MICU1: variants seen among roughly 807,000 people sequenced by gnomAD.
The protein encoded by MICU1 is calcium uptake protein 1, mitochondrial.
In MICU1, 45 loss-of-function variants were observed where a neutral mutation model predicts 56.8. The observed-to-expected ratio is 0.79, with a 90% confidence interval of 0.62 to 1.02. The LOEUF (loss-of-function observed/expected upper bound fraction) is 1.02. Among genes scored for constraint, MICU1 ranks in the 50% least tolerant of loss-of-function variants. The pLI, the probability that MICU1 is intolerant of heterozygous loss-of-function variation, is 0.00. For missense variants in MICU1, 504 were observed against 587.1 expected, an observed-to-expected ratio of 0.86 and a Z score of 1.46; for synonymous variants, 186 against 195.1, an observed-to-expected ratio of 0.95 and a Z score of 0.39.
chr10:72,591,987 G>A (rs1180663596), intron 1 of MICU1, among the ~76,000 whole-genome samples: 1 of 151,512 alleles, frequency 6.6e-6, no homozygotes, highest in Non-Finnish European at 1.5e-5. Context: ...TCCAGCCTGG[G>A]CGACAAAGTG....
At chr10:72,472,489 T>C (rs546963787) in intron 8 of MICU1, among the ~76,000 whole-genome samples, 1 of 152,350 alleles carries the variant, frequency 6.6e-6, no homozygotes, top group South Asian at 2.1e-4. Flanking sequence ...CCTTGAGCTT[T>C]TCACTAGACA....
Position 72,586,013 on chromosome 10 carries a change from C to CTTTTT in MICU1, c.-1-19224_-1-19220dup, listed in dbSNP as rs71021511. Among the ~76,000 whole-genome samples, 355 of 74,714 alleles carry CTTTTT rather than the reference C, an allele frequency of 4.8e-3. 10 individuals carry two copies. The highest frequency in any genetic ancestry group is 6.7e-3 in the Non-Finnish European group (285 of 42,594). 49.0% of individuals were successfully genotyped at this position (74,714 alleles called of 152,430 possible). On this transcript the variant is annotated intron_variant, in intron 1 of 11. Transcript: ENST00000361114. ...GTTTTTATTTTTTCTTTTTTTTTTT[C>CTTTTT]TTTTTTTTTTTTTTTTTTTGAGACA...
intron 5 of MICU1, chr10:72,532,762 G>T (rs2132408732): frequency 3.0e-6 from 2 of 655,770 alleles, no homozygotes; most frequent in Non-Finnish European, 3.8e-6. Context: ...AAGGCACTGT[G>T]CCACCTTAAT....
intron 10 of MICU1, among the ~76,000 whole-genome samples, chr10:72,396,859 C>A (rs1365100022): frequency 6.6e-6 from 1 of 152,186 alleles, no homozygotes; most frequent in East Asian, 1.9e-4. Flanking sequence ...GGAAAACACT[C>A]TTCAGGATAT....
chr10:72,368,467 G>A, intron 11 of MICU1, 112 bp from the exon 12 acceptor site: 2 of 1,151,198 alleles, frequency 1.7e-6, no homozygotes, highest in South Asian at 1.5e-5. Context: ...ATTCTCCACA[G>A]CCAAACTCAA....
intron 1 of MICU1, among the ~76,000 whole-genome samples, chr10:72,622,946 A>G (rs1428075336): frequency 6.6e-6 from 1 of 152,142 alleles, no homozygotes; most frequent in Non-Finnish European, 1.5e-5. Flanking sequence ...GGCACAAAAT[A>G]AAGCTATTAC....
At chr10:72,439,697 G>A (rs1864854425) in intron 8 of MICU1, among the ~76,000 whole-genome samples, 2 of 152,176 alleles carry the variant, frequency 1.3e-5, no homozygotes, top group Admixed American at 6.5e-5. Context: ...AGCAACTTCA[G>A]CAAAGTCTCA....
chr10:72,446,983 TGTAA>T (rs1162508776), intron 8 of MICU1, among the ~76,000 whole-genome samples: 1 of 152,188 alleles, frequency 6.6e-6, no homozygotes. Context: ...AAAGAAAAAC[TGTAA>T]GTAAGTAATT....
chr10:72,402,581 C>T (rs1321058167), intron 10 of MICU1, among the ~76,000 whole-genome samples: 1 of 151,436 alleles, frequency 6.6e-6, no homozygotes, highest in Non-Finnish European at 1.5e-5. Flanking sequence ...AAACAAAAAA[C>T]AAAAAAACAA....
At chr10:72,493,258 GAAT>G (rs1471907614) in intron 6 of MICU1, among the ~76,000 whole-genome samples, 1 of 151,892 alleles carries the variant, frequency 6.6e-6, no homozygotes, top group Non-Finnish European at 1.5e-5. Flanking sequence ...TTCCAAAACA[GAAT>G]AATAGGTATG....
chr10:72,518,927 C>T (rs1264588070), intron 5 of MICU1, among the ~76,000 whole-genome samples: 1 of 152,084 alleles, frequency 6.6e-6, no homozygotes, highest in African/African-American at 2.4e-5. Context: ...GTGATCTGCC[C>T]GTCTCGTCCT....
chr10:72,428,110 G>C (rs1864409138), intron 8 of MICU1, among the ~76,000 whole-genome samples: 1 of 152,152 alleles, frequency 6.6e-6, no homozygotes, highest in East Asian at 1.9e-4. Flanking sequence ...GATCTTTAAA[G>C]AGGCAGCTTT....
rs889920756 is a variant in MICU1 at position 72,368,003 on chromosome 10, T to C, written c.*192A>G. On this transcript the variant is annotated 3_prime_UTR_variant, in exon 12 of 12. Transcript: ENST00000361114. ...TTTTGAGAACCTATGGGGATACTCA[T>C]TGGGCAGAATCAGAGCCCAGCAGAA... The C allele has an allele frequency of 2.1e-5, 12 of 571,234 alleles. No individual in the cohort carries two copies. Among genetic ancestry groups the C allele is most frequent in the East Asian group, 8.4e-5 (3 of 35,518 alleles). 35.4% of individuals were successfully genotyped at this position (571,234 alleles called of 1,614,324 possible). A position where few individuals can be genotyped will look rare whatever the true frequency, so the allele number is the denominator to read the frequency against.
chr10:72,442,790 C>T (rs141411199), intron 8 of MICU1, among the ~76,000 whole-genome samples: 2 of 152,230 alleles, frequency 1.3e-5, no homozygotes, highest in East Asian at 3.9e-4. Context: ...CGGAGTCTTG[C>T]TCTGTCACCA....
chr10:72,464,418 C>T (rs1414394702), intron 8 of MICU1, among the ~76,000 whole-genome samples: 1 of 151,686 alleles, frequency 6.6e-6, no homozygotes, highest in African/African-American at 2.4e-5. Context: ...TTAAATAATG[C>T]TTGCTGTGGC....
chr10:72,418,093 C>A (rs926955569), intron 9 of MICU1, among the ~76,000 whole-genome samples: 2 of 152,140 alleles, frequency 1.3e-5, no homozygotes, highest in Admixed American at 6.5e-5. Flanking sequence ...TGAGAACTAA[C>A]TCATTGTCAT....
In MICU1 at chr10:72,480,363, G is replaced by C. The variant is rs143487642; in HGVS notation, c.653-3107C>G. ...TCAGACGGGATCTGCTAAATTTAAG[G>C]GGTCTCAGCTTATGCAGATGAAGAT... On this transcript the variant is annotated intron_variant, in intron 6 of 11. Coordinates refer to ENST00000361114, the MANE Select transcript of MICU1 (RefSeq NM_001195518.2). Among the ~76,000 whole-genome samples, 967 of 152,294 alleles carry C rather than the reference G, an allele frequency of 6.3e-3. 5 individuals carry two copies. The highest frequency in any genetic ancestry group is 0.017 in the Middle Eastern group (5 of 294).
chr10:72,485,335 C>T (rs1866432646), intron 6 of MICU1, among the ~76,000 whole-genome samples: 1 of 152,008 alleles, frequency 6.6e-6, no homozygotes, highest in Non-Finnish European at 1.5e-5. Flanking sequence ...TCCTCGACCT[C>T]CCAAAGTGCT....
At chr10:72,473,588 G>T (rs1318664393) in intron 8 of MICU1, among the ~76,000 whole-genome samples, 1 of 152,062 alleles carries the variant, frequency 6.6e-6, no homozygotes, top group Non-Finnish European at 1.5e-5. Flanking sequence ...CACTCACTTA[G>T]ACTGGGACCA....
Sources: gnomAD v4.1 joint callset for allele counts (sites outside exome capture counted in the v4.1 genomes callset) on GRCh38, gnomAD v4.1.1 for gene constraint, MANE v1.5 for transcripts, NCBI Gene and HGNC (gene_info 2026-07-23, HGNC 2026-07-21) for gene names.